GPC5: variants seen among roughly 807,000 people sequenced by gnomAD.
The protein encoded by GPC5 is glypican-5.
A neutral mutation model predicts 53.9 loss-of-function variants in GPC5; 47 were observed. The ratio of observed to expected loss-of-function variants is 0.87; its 90% CI spans 0.69 to 1.11. The LOEUF (loss-of-function observed/expected upper bound fraction) is 1.11. Ranked by LOEUF, GPC5 falls within the 50% of genes most tolerant of loss-of-function variation. GPC5 has a pLI of 0.00. For missense variants in GPC5, 748 were observed against 713.1 expected (o/e 1.05, Z -0.56); for synonymous variants, 286 against 263.3 (o/e 1.09, Z -0.84).
chr13:91,795,800 T>C (rs1256439829), intron 5 of GPC5, among the ~76,000 whole-genome samples: 1 of 152,148 alleles, frequency 6.6e-6, no homozygotes, highest in African/African-American at 2.4e-5. Context: ...TTCCGGGCTT[T>C]CTCTACCTGC....
At chr13:91,405,208 C>T (rs557344136) in intron 1 of GPC5, among the ~76,000 whole-genome samples, 1 of 152,302 alleles carries the variant, frequency 6.6e-6, no homozygotes, top group African/African-American at 2.4e-5. Flanking sequence ...GGTTTTTCAG[C>T]CTGAGTGCCA....
At chr13:92,748,340 T>TA in intron 7 of GPC5, among the ~76,000 whole-genome samples, 1 of 148,866 alleles carries the variant, frequency 6.7e-6, no homozygotes, top group South Asian at 2.2e-4. Flanking sequence ...TTATTATTAT[T>TA]ATTATTATTT....
At chr13:92,505,773 CAATT>C (rs1350153466) in intron 7 of GPC5, among the ~76,000 whole-genome samples, 1 of 152,008 alleles carries the variant, frequency 6.6e-6, no homozygotes, top group East Asian at 1.9e-4. Flanking sequence ...TACTACTAAA[CAATT>C]AAAATGTGTG....
chr13:92,038,261 G>T (rs1484716386), intron 6 of GPC5, among the ~76,000 whole-genome samples: 1 of 151,686 alleles, frequency 6.6e-6, no homozygotes, highest in Non-Finnish European at 1.5e-5. Context: ...TCAGAGATCG[G>T]TACTAAAGTT....
chr13:92,650,365 A>G (rs577106812), intron 7 of GPC5, among the ~76,000 whole-genome samples: 6 of 152,298 alleles, frequency 3.9e-5, no homozygotes, highest in Non-Finnish European at 8.8e-5. Context: ...CTGCCCTCAG[A>G]AATGTCTCTG....
At chr13:92,414,570 C>G (rs955491660) in intron 7 of GPC5, among the ~76,000 whole-genome samples, 1 of 150,910 alleles carries the variant, frequency 6.6e-6, no homozygotes, top group Non-Finnish European at 1.5e-5. Flanking sequence ...GAGTATATAA[C>G]AGGGAATTGA....
chr13:92,116,876 C>T (rs748835126), intron 6 of GPC5, among the ~76,000 whole-genome samples: 1 of 151,996 alleles, frequency 6.6e-6, no homozygotes, highest in Non-Finnish European at 1.5e-5. Flanking sequence ...ATTTTTTGCT[C>T]ATTTTTTGTT....
intron 6 of GPC5, among the ~76,000 whole-genome samples, chr13:92,057,657 A>G (rs777020929): frequency 4.1e-4 from 62 of 152,178 alleles, no homozygotes; most frequent in Non-Finnish European, 6.9e-4. Context: ...GTATCTAGAC[A>G]TGTATCTCAT....
At chr13:92,484,267 T>C (rs1037020399) in intron 7 of GPC5, among the ~76,000 whole-genome samples, 1 of 152,206 alleles carries the variant, frequency 6.6e-6, no homozygotes, top group Non-Finnish European at 1.5e-5. Context: ...TGTCATCATG[T>C]ATGATAACAA....
At chr13:92,581,914 T>C (rs1883386284) in intron 7 of GPC5, among the ~76,000 whole-genome samples, 1 of 152,268 alleles carries the variant, frequency 6.6e-6, no homozygotes, top group East Asian at 1.9e-4. Context: ...ATTTTCTGTT[T>C]TCTTAGTTTT....
chr13:92,526,802 T>G (rs928195774), intron 7 of GPC5, among the ~76,000 whole-genome samples: 1 of 151,818 alleles, frequency 6.6e-6, no homozygotes, highest in Non-Finnish European at 1.5e-5. Flanking sequence ...GGTTTAAAAT[T>G]ATCAAGATAT....
At chr13:92,809,503 G>T (rs761718542) in intron 7 of GPC5, among the ~76,000 whole-genome samples, 68 of 152,168 alleles carry the variant, frequency 4.5e-4, no homozygotes, top group Admixed American at 1.6e-3. Flanking sequence ...AAGACTCAGA[G>T]TCTGGACTCA....
chr13:92,447,873 T>C (rs1019297051), intron 7 of GPC5: 1 of 152,168 alleles, frequency 6.6e-6, no homozygotes, highest in African/African-American at 2.4e-5. Context: ...AATGGATTTC[T>C]AAGTACAATT....
At chr13:92,846,771 G>A (rs1381884826) in intron 7 of GPC5, among the ~76,000 whole-genome samples, 6 of 152,152 alleles carry the variant, frequency 3.9e-5, no homozygotes, top group South Asian at 2.1e-4. Context: ...CCTGCACAAG[G>A]TGCTTGAATT....
intron 1 of GPC5, among the ~76,000 whole-genome samples, chr13:91,430,300 C>A (rs1267389143): frequency 6.6e-6 from 1 of 152,118 alleles, no homozygotes; most frequent in Non-Finnish European, 1.5e-5. Context: ...ACCTTGGGTC[C>A]AGGATTAGCC....
rs1001868917 is a variant in GPC5, at chr13:91,496,206, T to C, written c.325+47284T>C. ...TAAAATTATAAACGATTTCAACATA[T>C]GTGTTCTAGGAATATTCAGTAGGTG... On this transcript the variant is annotated intron_variant, in intron 2 of 7. Transcript: ENST00000377067. 1.4e-4 allele frequency among the ~76,000 whole-genome samples: 21 copies of C among 152,256 alleles called. 1 individual carries two copies. The highest frequency in any genetic ancestry group is 1.2e-3 in the Admixed American group (19 of 15,288).
At chr13:92,432,037 A>G (rs974896293) in intron 7 of GPC5, among the ~76,000 whole-genome samples, 1 of 152,150 alleles carries the variant, frequency 6.6e-6, no homozygotes, top group Non-Finnish European at 1.5e-5. Context: ...GTATTTGGAG[A>G]TGAGGCCTTT....
intron 7 of GPC5, among the ~76,000 whole-genome samples, chr13:92,425,348 C>A (rs1195802577): frequency 6.6e-6 from 1 of 152,076 alleles, no homozygotes; most frequent in Non-Finnish European, 1.5e-5. Flanking sequence ...CCTCTACCCT[C>A]TCCCACCTCT....
intron 5 of GPC5, among the ~76,000 whole-genome samples, chr13:91,837,048 T>C (rs1168817673): frequency 6.7e-6 from 1 of 149,524 alleles, no homozygotes; most frequent in Admixed American, 6.7e-5. Context: ...AATATTTTAA[T>C]ATATATTTAT....
Sources: allele counts gnomAD v4.1 joint callset (sites outside exome capture counted in the v4.1 genomes callset), GRCh38; gene constraint gnomAD v4.1.1; transcripts MANE v1.5; gene names NCBI Gene and HGNC (gene_info 2026-07-23, HGNC 2026-07-21).